Variants in SLC9A9 observed in about 807,000 individuals in gnomAD.
The protein encoded by SLC9A9 is sodium/hydrogen exchanger 9.
In SLC9A9, 62 loss-of-function variants were observed where a neutral mutation model predicts 77.8. The ratio of observed to expected loss-of-function variants is 0.80; its 90% CI spans 0.65 to 0.98. SLC9A9 has a LOEUF of 0.98. SLC9A9 is among the 50% of genes least tolerant of loss of function. The pLI is 0.00. For synonymous variants in SLC9A9, 320 were observed against 283.5 expected (o/e 1.13, Z -1.29); for missense variants, 775 against 774.9 (o/e 1.00, Z 0.00).
At chr3:143,841,754 C>CTTTTTTTTTCTT (rs373849289) in intron 1 of SLC9A9, among the ~76,000 whole-genome samples, 1 of 149,316 alleles carries the variant, frequency 6.7e-6, no homozygotes, top group Non-Finnish European at 1.5e-5. Context: ...TATAGAGGCT[C>CTTTTTTTTTCTT]TTTTCTTTAT....
rs1007427589 is a variant in SLC9A9, at chr3:143,349,085, G to A, written c.1604+14399C>T. 5.9e-5 allele frequency among the ~76,000 whole-genome samples: 9 copies of A among 152,190 alleles called. No individual in the cohort carries two copies. In the South Asian group the frequency reaches 6.2e-4, roughly 11 times the overall value. On this transcript the variant is annotated intron_variant, in intron 14 of 15. Transcript: ENST00000316549. ...TGACTACAGCCATGGGGACCTATTC[G>A]TTCCTCAGTCTCCAACTCTCTGCCC...
intron 5 of SLC9A9, among the ~76,000 whole-genome samples, chr3:143,667,582 T>C (rs1245634026): frequency 6.6e-6 from 1 of 152,108 alleles, no homozygotes; most frequent in East Asian, 1.9e-4. Context: ...AATCTACCCA[T>C]CTGACAAAGG....
At chr3:143,341,547 G>A (rs1001339796) in intron 14 of SLC9A9, among the ~76,000 whole-genome samples, 3 of 146,792 alleles carry the variant, frequency 2.0e-5, no homozygotes, top group African/African-American at 8.3e-5. Flanking sequence ...GCTTGCCACG[G>A]TAGGAAAAGC....
At chr3:143,580,979 C>T (rs988446880) in intron 6 of SLC9A9, among the ~76,000 whole-genome samples, 20 of 152,194 alleles carry the variant, frequency 1.3e-4, no homozygotes, top group Admixed American at 3.3e-4. Flanking sequence ...ATCCAATAAA[C>T]ATCTTATCAA....
chr3:143,835,464 A>G (rs2009545367), intron 1 of SLC9A9, among the ~76,000 whole-genome samples: 2 of 152,380 alleles, frequency 1.3e-5, no homozygotes, highest in Non-Finnish European at 1.5e-5. Context: ...CTTATTTGTC[A>G]GAGGCTACTT....
intron 1 of SLC9A9, chr3:143,847,891 G>A (rs570662582): frequency 1.9e-6 from 1 of 534,160 alleles, no homozygotes; most frequent in African/African-American, 1.9e-5. Flanking sequence ...CATGACAATG[G>A]ACCCGCATCT....
At chr3:143,347,299 T>C (rs2032312552) in intron 14 of SLC9A9, among the ~76,000 whole-genome samples, 1 of 152,056 alleles carries the variant, frequency 6.6e-6, no homozygotes, top group South Asian at 2.1e-4. Flanking sequence ...TTATGTAGAG[T>C]TTAATCAGAT....
chr3:143,281,554 T>C (rs569951521), intron 14 of SLC9A9, among the ~76,000 whole-genome samples: 6 of 152,200 alleles, frequency 3.9e-5, no homozygotes, highest in Admixed American at 1.3e-4. Context: ...GGGTCCCAAC[T>C]CTTTGGGATG....
At chr3:143,470,712 T>G (rs1014339745) in intron 11 of SLC9A9, among the ~76,000 whole-genome samples, 2 of 152,146 alleles carry the variant, frequency 1.3e-5, no homozygotes, top group Non-Finnish European at 2.9e-5. Context: ...AATTAAAACT[T>G]GCAATAAGAT....
chr3:143,330,494 G>A (rs1014231226), intron 14 of SLC9A9, among the ~76,000 whole-genome samples: 8 of 152,192 alleles, frequency 5.3e-5, no homozygotes, highest in Non-Finnish European at 1.0e-4. Flanking sequence ...CAGCTAAGTG[G>A]TTTGGATGTT....
intron 4 of SLC9A9, among the ~76,000 whole-genome samples, chr3:143,719,951 A>G (rs977126016): frequency 8.5e-5 from 13 of 152,082 alleles, no homozygotes; most frequent in Non-Finnish European, 1.8e-4. Context: ...TGCTCCCACT[A>G]TTGAGTAAAT....
At chr3:143,570,089 C>T (rs573855082) in intron 8 of SLC9A9, among the ~76,000 whole-genome samples, 2 of 151,948 alleles carry the variant, frequency 1.3e-5, no homozygotes, top group African/African-American at 2.4e-5. Flanking sequence ...TATAGAAATG[C>T]ATCATTGGTC....
chr3:143,329,562 T>C (rs1049579234), intron 14 of SLC9A9, among the ~76,000 whole-genome samples: 1 of 152,178 alleles, frequency 6.6e-6, no homozygotes, highest in East Asian at 1.9e-4. Context: ...ATATGGCAGG[T>C]GTGCAGGCCA....
chr3:143,555,883 A>T (rs1025738874), intron 8 of SLC9A9, among the ~76,000 whole-genome samples: 2 of 152,230 alleles, frequency 1.3e-5, no homozygotes, highest in East Asian at 3.8e-4. Flanking sequence ...ATGAGCCCAC[A>T]TGACCAGAGG....
At chr3:143,505,560 T>G (rs1197625516) in intron 9 of SLC9A9, among the ~76,000 whole-genome samples, 1 of 152,174 alleles carries the variant, frequency 6.6e-6, no homozygotes, top group Non-Finnish European at 1.5e-5. Context: ...GAGCTGCTCT[T>G]TATCATATAT....
At chr3:143,611,122 A>C (rs1298607874) in intron 6 of SLC9A9, among the ~76,000 whole-genome samples, 1 of 152,196 alleles carries the variant, frequency 6.6e-6, no homozygotes, top group Non-Finnish European at 1.5e-5. Flanking sequence ...TCAGAAAAAC[A>C]AAAAAGCTTT....
At chr3:143,817,490 T>C (rs2009052539) in intron 2 of SLC9A9, among the ~76,000 whole-genome samples, 1 of 152,182 alleles carries the variant, frequency 6.6e-6, no homozygotes, top group Non-Finnish European at 1.5e-5. Context: ...CATTTTTATA[T>C]TATTATTTGT....
At chr3:143,371,560 C>T (rs1479608614) in intron 13 of SLC9A9, among the ~76,000 whole-genome samples, 1 of 152,030 alleles carries the variant, frequency 6.6e-6, no homozygotes, top group Non-Finnish European at 1.5e-5. Flanking sequence ...CCTATAGAAA[C>T]AGAACTTGAA....
At chr3:143,804,594 C>T (rs2008658833) in intron 2 of SLC9A9, among the ~76,000 whole-genome samples, 1 of 152,136 alleles carries the variant, frequency 6.6e-6, no homozygotes, top group African/African-American at 2.4e-5. Context: ...TCTGTGGATC[C>T]TCTACCTACG....
Sources: gnomAD v4.1 joint callset for allele counts (sites outside exome capture counted in the v4.1 genomes callset) on GRCh38, gnomAD v4.1.1 for gene constraint, MANE v1.5 for transcripts, NCBI Gene and HGNC (gene_info 2026-07-23, HGNC 2026-07-21) for gene names.